The following LSP1 variants were observed in gnomAD, a reference collection of about 807,000 sequenced individuals.
The protein encoded by LSP1 is lymphocyte-specific protein 1.
LSP1 carries 32 observed loss-of-function variants against 49.3 expected under a neutral mutation model. That is an observed-to-expected ratio of 0.65 (90% confidence interval 0.49 to 0.87). The LOEUF is 0.87. LSP1 is among the 40% of genes least tolerant of loss of function. The pLI is 0.00. For synonymous variants in LSP1, 179 were observed against 178.8 expected, an observed-to-expected ratio of 1.00 and a Z score of -0.01; for missense variants, 428 against 442.6, an observed-to-expected ratio of 0.97 and a Z score of 0.30.
chr11:1,884,709 C>T lies in LSP1; in HGVS notation c.717+128C>T, dbSNP rs1237564412. ...CCAACACCCTATCCAACCAATGCTT[C>T]TCCATCCAGTCAGTGCCCCTCTACC... On this transcript the variant is annotated intron_variant, in intron 7 of 10. Coordinates refer to ENST00000311604, the MANE Select transcript of LSP1 (RefSeq NM_002339.3). This position sits in a 1 kb window ranked among gnomAD's most constrained non-coding sequence, Gnocchi z 4.1. The T allele has an allele frequency of 5.4e-6, 4 of 734,076 alleles. No individual in the cohort carries two copies. The highest frequency in any genetic ancestry group is 3.5e-5 in the African/African-American group (2 of 57,650). 45.5% of individuals were successfully genotyped at this position (734,076 alleles called of 1,614,324 possible). A position where few individuals can be genotyped will look rare whatever the true frequency, so the allele number is the denominator to read the frequency against.
At chr11:1,886,414 TTGTCCCTCTATCCATTCAA>T (rs1848750917) in intron 7 of LSP1, among the ~76,000 whole-genome samples, 1 of 152,148 alleles carries the variant, frequency 6.6e-6, no homozygotes, top group Admixed American at 6.5e-5. Flanking sequence ...AATTTAACCA[TTGTCCCTCTATCCATTCAA>T]TGTCCCTCCA....
intron 10 of LSP1, chr11:1,888,884 C>T (rs1848864680): frequency 9.7e-6 from 4 of 410,702 alleles, no homozygotes; most frequent in Non-Finnish European, 1.3e-5. Flanking sequence ...TACATCCCGA[C>T]GCAGACCCCT....
chr11:1,868,782 G>A (rs559448336), intron 1 of LSP1: 14 of 985,738 alleles, frequency 1.4e-5, no homozygotes, highest in Non-Finnish European at 1.6e-5. Flanking sequence ...GGGTGTCAGG[G>A]CCAGAGCCCA....
intron 10 of LSP1, 135 bp from the exon 11 acceptor site, chr11:1,891,638 G>C (rs1416423998): frequency 1.3e-5 from 2 of 153,780 alleles, no homozygotes; most frequent in East Asian, 1.9e-4. Context: ...GTGGTGGAGT[G>C]GGGGTGTGGG....
intron 1 of LSP1, among the ~76,000 whole-genome samples, chr11:1,872,112 G>C (rs1473217001): frequency 3.5e-3 from 391 of 110,492 alleles, no homozygotes; most frequent in Admixed American, 4.8e-3. Context: ...ACTTTTGGGA[G>C]GGGGTGTGTG....
chr11:1,861,537 T>C (rs978886913), intron 1 of LSP1, among the ~76,000 whole-genome samples: 3 of 151,938 alleles, frequency 2.0e-5, no homozygotes, highest in Admixed American at 2.0e-4. Context: ...GATAGATGCA[T>C]GGATGAATGG....
At chr11:1,890,393 G>A (rs1444814097) in intron 10 of LSP1, 2 of 717,026 alleles carry the variant, frequency 2.8e-6, no homozygotes, top group Admixed American at 4.0e-5. Context: ...GGGACAGGGA[G>A]GTGCGGAAGG....
At chr11:1,873,929 G>GCCGGCGGAGCAGGGAGC (rs1848166892) in intron 1 of LSP1, among the ~76,000 whole-genome samples, 1 of 132,694 alleles carries the variant, frequency 7.5e-6, no homozygotes, top group African/African-American at 3.2e-5. Context: ...GAGGAGGGAG[G>GCCGGCGGAGCAGGGAGC]CCGGCAGAGG....
chr11:1,891,619 T>G (rs1849004223), intron 10 of LSP1, 154 bp from the exon 11 acceptor site: 1 of 153,142 alleles, frequency 6.5e-6, no homozygotes, highest in Non-Finnish European at 1.5e-5. Flanking sequence ...AGGCAGGACG[T>G]CTTCTCCTGT....
At chr11:1,889,681 G>C (rs1369430203) in intron 10 of LSP1, 1 of 635,966 alleles carries the variant, frequency 1.6e-6, no homozygotes, top group South Asian at 1.8e-5. Flanking sequence ...TCAGCGGCGG[G>C]GCCAGCCATC....
intron 1 of LSP1, among the ~76,000 whole-genome samples, chr11:1,862,000 T>A (rs1361254640): frequency 7.3e-5 from 11 of 150,704 alleles, no homozygotes; most frequent in African/African-American, 2.7e-4. Flanking sequence ...AATGGATGGG[T>A]GGATGGATGG....
At chr11:1,876,433 C>A (rs1352679012) in intron 1 of LSP1, 3 of 982,840 alleles carry the variant, frequency 3.1e-6, no homozygotes, top group African/African-American at 3.5e-5. Context: ...AGGAGAAGCT[C>A]CCCCTCCCCT....
In LSP1 at chr11:1,881,417, C is replaced by T; in HGVS notation, c.192-15C>T. The T allele has an allele frequency of 1.3e-6, 2 of 1,558,182 alleles. No individual in the cohort carries two copies. Among genetic ancestry groups the T allele is most frequent in the Non-Finnish European group, 1.7e-6 (2 of 1,150,790 alleles). On this transcript the variant is annotated splice_polypyrimidine_tract_variant and intron_variant, in intron 2 of 10. Transcript: ENST00000311604. Reference sequence around the variant, plus strand: ...AGCAGCCGCCCAGGCCTAAGCTCCCCCCTGCTACCCTCAGCCTCAGCCTGA... The same window carrying T: ...AGCAGCCGCCCAGGCCTAAGCTCCCTCCTGCTACCCTCAGCCTCAGCCTGA...
Position 1,884,096 on chromosome 11 carries a change from G to A in LSP1, c.591+72G>A. The A allele has an allele frequency of 6.6e-7, 1 of 1,504,084 alleles. No homozygotes were observed. The highest frequency in any genetic ancestry group is 9.1e-7 in the Non-Finnish European group (1 of 1,094,176). 93.2% of individuals were successfully genotyped at this position (1,504,084 alleles called of 1,614,324 possible). On this transcript the variant is annotated intron_variant, in intron 5 of 10. Transcript: ENST00000311604. The surrounding 1 kb of genome is among the most constrained non-coding windows in gnomAD (Gnocchi z 4.1). ...CATACCCAAAAGGCCAATCCCACAT[G>A]CCAGCCACAGGAAGACCAGGCCCAG... is the stretch of plus-strand genomic sequence containing the variant.
intron 1 of LSP1, among the ~76,000 whole-genome samples, chr11:1,861,705 GGAT>G (rs1847635453): frequency 6.7e-6 from 1 of 149,816 alleles, no homozygotes; most frequent in Admixed American, 6.6e-5. Flanking sequence ...GTGGATGGAT[GGAT>G]GGATGGATGG....
At chr11:1,880,750 C>T (rs1848504525) in intron 2 of LSP1, 1 of 153,288 alleles carries the variant, frequency 6.5e-6, no homozygotes, top group South Asian at 2.0e-4. Flanking sequence ...GCCACCCCCA[C>T]CAAGGGCCCC....
At chr11:1,883,708 C>A in intron 4 of LSP1, 148 bp downstream of exon 4, 1 of 1,097,658 alleles carries the variant, frequency 9.1e-7, no homozygotes, top group Non-Finnish European at 1.3e-6. Flanking sequence ...CCCTTCTGGG[C>A]CCACATTCTC....
chr11:1,876,160 A>T (rs761957723), intron 1 of LSP1, among the ~76,000 whole-genome samples: 3 of 152,178 alleles, frequency 2.0e-5, no homozygotes, highest in Non-Finnish European at 2.9e-5. Context: ...TTGCTGTCCC[A>T]CTACCCTCTG....
intron 1 of LSP1, chr11:1,865,115 G>A: frequency 6.2e-6 from 5 of 804,050 alleles, no homozygotes; most frequent in Non-Finnish European, 7.5e-6. Context: ...GCAGAGAGGA[G>A]GGCCAGCAGG....
Sources: gnomAD v4.1 joint callset for allele counts (sites outside exome capture counted in the v4.1 genomes callset) on GRCh38, gnomAD v4.1.1 for gene constraint, Gnocchi (gnomAD v3.1) non-coding constraint, MANE v1.5 for transcripts, NCBI Gene and HGNC (gene_info 2026-07-23, HGNC 2026-07-21) for gene names.